Variants in ALCAM observed in about 807,000 individuals in gnomAD.
ALCAM encodes activated leukocyte cell adhesion molecule.
Under a neutral mutation model 70.9 loss-of-function variants are expected in ALCAM, and 30 were observed. The observed-to-expected ratio is 0.42, with a 90% CI of 0.32 to 0.57. The LOEUF is 0.57. ALCAM is among the 20% of genes least tolerant of loss of function. The pLI is 0.11. For synonymous variants in ALCAM, 249 were observed against 242.5 expected, an observed-to-expected ratio of 1.03 and a Z score of -0.25; for missense variants, 591 against 695.1, an observed-to-expected ratio of 0.85 and a Z score of 1.68.
chr3:105,510,083 G>T (rs559150576), intron 1 of ALCAM, among the ~76,000 whole-genome samples: 1 of 152,020 alleles, frequency 6.6e-6, no homozygotes, highest in Non-Finnish European at 1.5e-5. Flanking sequence ...TGTCAAAATG[G>T]ATTTAACATA....
chr3:105,414,643 T>C (rs1206606266), intron 1 of ALCAM, among the ~76,000 whole-genome samples: 4 of 152,080 alleles, frequency 2.6e-5, no homozygotes, highest in African/African-American at 9.7e-5. Context: ...TACTGAAATG[T>C]AGGGTGCTGG....
At chr3:105,454,653 ATTTTTTTTTTTTTTTTTTTT>A (rs59389132) in intron 1 of ALCAM, among the ~76,000 whole-genome samples, 2 of 61,754 alleles carry the variant, frequency 3.2e-5, no homozygotes, top group South Asian at 8.4e-4. Flanking sequence ...ATGCTCATTA[ATTTTTTTTTTTTTTTTTTTT>A]TTTTTTTTTT....
intron 11 of ALCAM, among the ~76,000 whole-genome samples, chr3:105,549,303 T>C (rs1459167536): frequency 6.6e-6 from 1 of 151,432 alleles, no homozygotes; most frequent in Admixed American, 6.6e-5. Flanking sequence ...AAGATGTCTC[T>C]GCCCCTCCTC....
chr3:105,568,779 T>C (rs1302641099), intron 14 of ALCAM, among the ~76,000 whole-genome samples: 1 of 152,236 alleles, frequency 6.6e-6, no homozygotes, highest in African/African-American at 2.4e-5. Context: ...ATTTCTACTT[T>C]ATTTTTGTCA....
intron 1 of ALCAM, among the ~76,000 whole-genome samples, chr3:105,428,088 C>T (rs1936836828): frequency 6.6e-6 from 1 of 151,970 alleles, no homozygotes; most frequent in African/African-American, 2.4e-5. Context: ...ATTTGAATCT[C>T]TGCAAAGGCT....
At chr3:105,470,912 G>C (rs1303046131) in intron 1 of ALCAM, among the ~76,000 whole-genome samples, 1 of 151,140 alleles carries the variant, frequency 6.6e-6, no homozygotes, top group Non-Finnish European at 1.5e-5. Flanking sequence ...AAATTCATGA[G>C]GAAATTTAAT....
chr3:105,382,809 T>G (rs1011668757), intron 1 of ALCAM, among the ~76,000 whole-genome samples: 2 of 152,058 alleles, frequency 1.3e-5, no homozygotes, highest in Admixed American at 1.3e-4. Flanking sequence ...CTTGTAAATT[T>G]GTTGGAATTC....
intron 1 of ALCAM, among the ~76,000 whole-genome samples, chr3:105,406,029 C>T (rs1256799947): frequency 6.6e-6 from 1 of 152,102 alleles, no homozygotes; most frequent in Non-Finnish European, 1.5e-5. Context: ...ATAAAGTTTT[C>T]CAGAGCTTAT....
At chr3:105,438,500 A>G (rs1487605127) in intron 1 of ALCAM, among the ~76,000 whole-genome samples, 2 of 152,226 alleles carry the variant, frequency 1.3e-5, no homozygotes, top group Non-Finnish European at 2.9e-5. Flanking sequence ...TAATCGATAA[A>G]TGTTAAAAGA....
chr3:105,515,739 T>C (rs1280334247), intron 1 of ALCAM, among the ~76,000 whole-genome samples: 1 of 152,068 alleles, frequency 6.6e-6, no homozygotes, highest in Non-Finnish European at 1.5e-5. Flanking sequence ...GAAACACCGC[T>C]ATAAACTAGT....
chr3:105,534,670 C>A lies in ALCAM; in HGVS notation c.555C>A (p.Val185=). 2 of 1,613,394 alleles carry A rather than the reference C, an allele frequency of 1.2e-6. No homozygotes were observed. The highest frequency in any genetic ancestry group is 1.1e-5 in the South Asian group (1 of 91,046). ...GTTCTTTATTTTCTTCAGCGGTGGT[C>A]ATAATTTTTAAAAAGGAAATGGACC... ...KVLHPLEGAV[V]IIFKKEMDPV... The change falls in exon 6 of 16, where the codon GTC becomes GTA. Residue 185 remains valine, a synonymous_variant. Transcript: ENST00000306107.
intron 1 of ALCAM, among the ~76,000 whole-genome samples, chr3:105,398,264 C>A (rs904606241): frequency 1.3e-5 from 2 of 151,976 alleles, no homozygotes; most frequent in Non-Finnish European, 2.9e-5. Flanking sequence ...CTGTGCTGAC[C>A]CATGCATGCC....
In ALCAM at chr3:105,573,268, A is replaced by C. The variant is rs1484141924; in HGVS notation, c.*26-1209A>C. The stretch of plus-strand genomic sequence containing the variant: ...CTTGAACCCAAGAGGTGGGGGTTGC[A>C]GTGAGCCAAGATGGTGCCACTGCAC... On this transcript the variant is annotated intron_variant, in intron 15 of 15. Transcript: ENST00000306107. 2.0e-5 allele frequency among the ~76,000 whole-genome samples: 3 copies of C among 152,356 alleles called. No individual in the cohort carries two copies. In the East Asian group the frequency reaches 5.8e-4, roughly 29 times the overall value.
chr3:105,408,188 C>T (rs1311811377), intron 1 of ALCAM, among the ~76,000 whole-genome samples: 1 of 124,464 alleles, frequency 8.0e-6, no homozygotes, highest in Non-Finnish European at 1.7e-5. Flanking sequence ...CACCATTATT[C>T]TTCACAGAAC....
chr3:105,388,016 A>T (rs1306025559), intron 1 of ALCAM, among the ~76,000 whole-genome samples: 1 of 151,502 alleles, frequency 6.6e-6, no homozygotes, highest in Non-Finnish European at 1.5e-5. Context: ...GAGATTTCCC[A>T]GTCACCATGC....
At chr3:105,573,131 C>A (rs978791898) in intron 15 of ALCAM, among the ~76,000 whole-genome samples, 2 of 152,100 alleles carry the variant, frequency 1.3e-5, no homozygotes, top group Non-Finnish European at 2.9e-5. Flanking sequence ...TCCAGACCAG[C>A]CTGGCCAATG....
intron 1 of ALCAM, among the ~76,000 whole-genome samples, chr3:105,409,574 A>G (rs1010319775): frequency 3.3e-5 from 5 of 152,066 alleles, no homozygotes; most frequent in Admixed American, 6.6e-5. Context: ...GGGGAATGGC[A>G]AGGGATAAAG....
chr3:105,412,951 T>C (rs1176472217), intron 1 of ALCAM, among the ~76,000 whole-genome samples: 2 of 152,108 alleles, frequency 1.3e-5, no homozygotes, highest in Non-Finnish European at 2.9e-5. Flanking sequence ...CATCATATAA[T>C]AAACAAAACA....
At chr3:105,559,950 A>G (rs971309718) in intron 14 of ALCAM, among the ~76,000 whole-genome samples, 18 of 152,146 alleles carry the variant, frequency 1.2e-4, no homozygotes, top group African/African-American at 4.3e-4. Flanking sequence ...ATATCTTTAA[A>G]ATCCATTCTC....
Sources: gnomAD v4.1 joint callset for allele counts (sites outside exome capture counted in the v4.1 genomes callset) on GRCh38, gnomAD v4.1.1 for gene constraint, MANE v1.5 for transcripts, NCBI Gene and HGNC (gene_info 2026-07-23, HGNC 2026-07-21) for gene names.